Variants in WHAMM observed in about 807,000 individuals in gnomAD.
WHAMM encodes WASP homolog associated with actin, golgi membranes and microtubules.
In WHAMM, 67 loss-of-function variants were observed where a neutral mutation model predicts 76.5. That is an observed-to-expected ratio of 0.88 (90% CI 0.72 to 1.07). The LOEUF (loss-of-function observed/expected upper bound fraction) is 1.07, where lower values mean the gene tolerates loss of function less well. WHAMM is among the 50% of genes least tolerant of loss of function. The probability of loss-of-function intolerance (pLI) is 0.00; values close to 1 mark genes in which losing one functional copy is unlikely to be tolerated. For synonymous variants in WHAMM, 419 were observed against 422.1 expected, an observed-to-expected ratio of 0.99 and a Z score of 0.09; for missense variants, 1,021 against 1,051.1, an observed-to-expected ratio of 0.97 and a Z score of 0.40.
intron 9 of WHAMM, among the ~76,000 whole-genome samples, chr15:82,832,415 A>C (rs2051045325): frequency 6.6e-6 from 1 of 152,154 alleles, no homozygotes; most frequent in Non-Finnish European, 1.5e-5. Context: ...GAAGATCTCT[A>C]AATTAGTGGC....
chr15:82,816,070 A>T lies in WHAMM; in HGVS notation c.784-622A>T, dbSNP rs1209281064. On this transcript the variant is annotated intron_variant, in intron 2 of 9. Transcript: ENST00000286760. ...GTCTTCGCATGGTGAAGAGCAGAGAAAGAGAGATCCTGTGTCTCCTCTTCT... is the reference window on the plus strand; with the variant it reads ...GTCTTCGCATGGTGAAGAGCAGAGATAGAGAGATCCTGTGTCTCCTCTTCT... Among the ~76,000 whole-genome samples the T allele has an allele frequency of 2.6e-5, 4 of 152,116 alleles. 1 individual carries two copies. The highest frequency in any genetic ancestry group is 2.6e-4 in the Admixed American group (4 of 15,276).
intron 1 of WHAMM, among the ~76,000 whole-genome samples, chr15:82,812,432 G>A (rs1287769761): frequency 6.6e-6 from 1 of 152,072 alleles, no homozygotes; most frequent in Admixed American, 6.5e-5. Flanking sequence ...GTTTCACCGT[G>A]TTAGCCAGGA....
chr15:82,827,816 A>G (rs568698134), intron 8 of WHAMM, among the ~76,000 whole-genome samples: 29 of 152,238 alleles, frequency 1.9e-4, no homozygotes, highest in Admixed American at 9.8e-4. Context: ...ATGGTGGTGC[A>G]TGCCTGTAGT....
chr15:82,825,539 A>C (rs1435695684), intron 6 of WHAMM, among the ~76,000 whole-genome samples: 2 of 152,242 alleles, frequency 1.3e-5, no homozygotes, highest in Non-Finnish European at 2.9e-5. Context: ...TGAGCTATCA[A>C]CTTGGGTTCA....
chr15:82,824,736 G>T lies in WHAMM; in HGVS notation c.1458+1449G>T, dbSNP rs146771116. 8.9e-3 allele frequency among the ~76,000 whole-genome samples: 1,357 copies of T among 152,344 alleles called. 19 individuals carry two copies. Among genetic ancestry groups the T allele is most frequent in the African/African-American group, 0.031 (1,288 of 41,572 alleles). ...CTGCCTCAGCCTCCCAAAGTTCTGG[G>T]ATTAGAGGCGTGAGCCACTGTGCCC... On this transcript the variant is annotated intron_variant, in intron 6 of 9. Coordinates refer to ENST00000286760, the MANE Select transcript of WHAMM (RefSeq NM_001080435.3).
At position 82,833,327 on chromosome 15, in the gene WHAMM, G is replaced by C; in HGVS notation, c.2221G>C (p.Glu741Gln). The part of the protein sequence containing the change: ...AVRPPHASIN[E>Q]HILAAIRQGV... ...GCGCCCTCCCCACGCCTCAATCAATGAGCACATTCTGGCTGCCATAAGGCA... is the reference window on the plus strand; with the variant it reads ...GCGCCCTCCCCACGCCTCAATCAATCAGCACATTCTGGCTGCCATAAGGCA... Residue 741 changes from glutamate to glutamine, a missense_variant, in exon 10 of 10, where the codon GAG becomes CAG. By Grantham distance (29) the Glu-to-Gln change is conservative. This residue lies in a region of WHAMM where 509 missense variants were observed against 492.3 expected (regional missense o/e 1.03). Transcript: ENST00000286760. 3 of 1,614,032 alleles carry C rather than the reference G, an allele frequency of 1.9e-6. No individual in the cohort carries two copies. The African/African-American group carries it at 4.0e-5, about 22-fold the overall frequency.
intron 5 of WHAMM, among the ~76,000 whole-genome samples, chr15:82,821,571 G>A (rs546031740): frequency 1.3e-5 from 2 of 152,120 alleles, no homozygotes; most frequent in Non-Finnish European, 2.9e-5. Flanking sequence ...CCATTGGTTT[G>A]TGAGTGGCTT....
chr15:82,832,660 C>T (rs77794281), intron 9 of WHAMM, among the ~76,000 whole-genome samples: 1,796 of 152,290 alleles, frequency 0.012, 22 homozygotes, highest in East Asian at 0.05. Flanking sequence ...CCTCCGGTGG[C>T]GGTTCATTGA....
At chr15:82,830,518 G>A in intron 8 of WHAMM, 81 bp from the exon 9 acceptor site, 1 of 1,544,122 alleles carries the variant, frequency 6.5e-7, no homozygotes, top group South Asian at 1.3e-5. Flanking sequence ...AAACGGATGT[G>A]TTTATAGATT....
chr15:82,816,889 CATTTT>C (rs554329417), intron 3 of WHAMM, 47 bp downstream of exon 3: 136 of 1,514,808 alleles, frequency 9.0e-5, no homozygotes, highest in South Asian at 3.1e-4. Flanking sequence ...AATTGATTAT[CATTTT>C]ATTCAAATAC....
chr15:82,814,460 T>C (rs1212400772), intron 2 of WHAMM, among the ~76,000 whole-genome samples: 3 of 152,040 alleles, frequency 2.0e-5, no homozygotes, highest in Non-Finnish European at 4.4e-5. Context: ...CCTTTCTTCT[T>C]TTTTTTTGAG....
intron 6 of WHAMM, among the ~76,000 whole-genome samples, chr15:82,824,491 TTG>T (rs1409698879): frequency 1.3e-5 from 2 of 152,208 alleles, no homozygotes; most frequent in Admixed American, 6.5e-5. Flanking sequence ...TGGCTAATTT[TTG>T]TATTTTTAGT....
rs1367386989 is a variant in WHAMM, at chr15:82,832,298, T to TAAGA, written c.2123-929_2123-926dup. On this transcript the variant is annotated intron_variant, in intron 9 of 9. Coordinates refer to ENST00000286760, the MANE Select transcript of WHAMM (RefSeq NM_001080435.3). ...CATTACCCCCAGAAAGAAATTGTAA[T>TAAGA]AAGAAGGTATAAGTTTAAATCCAAA... 2.4e-4 allele frequency among the ~76,000 whole-genome samples: 37 copies of TAAGA among 152,320 alleles called. No individual in the cohort carries two copies. In the East Asian group the frequency reaches 7.1e-3, roughly 29 times the overall value.
chr15:82,819,268 G>T, intron 4 of WHAMM, 55 bp from the exon 5 acceptor site: 1 of 719,608 alleles, frequency 1.4e-6, no homozygotes, highest in Non-Finnish European at 2.0e-6. Context: ...TCTAAAGTTT[G>T]TTTTTAATAT....
chr15:82,832,862 C>T (rs146204234), intron 9 of WHAMM, among the ~76,000 whole-genome samples: 118 of 152,302 alleles, frequency 7.7e-4, no homozygotes, highest in African/African-American at 2.7e-3. Context: ...ATCCAGGTCA[C>T]GCACAGTGGG....
Position 82,819,335 on chromosome 15 carries a change from C to T in WHAMM, c.1117C>T (p.Pro373Ser). 9.1e-7 allele frequency: 1 copy of T among 1,092,948 alleles called. No homozygotes were observed. Among genetic ancestry groups the T allele is most frequent in the Middle Eastern group, 3.2e-4 (1 of 3,092 alleles). 67.7% of individuals were successfully genotyped at this position (1,092,948 alleles called of 1,614,324 possible). Residue 373 changes from proline to serine, a missense_variant, in exon 5 of 10, where the codon CCA becomes TCA. This residue lies in a region of WHAMM where 501 missense variants were observed against 524.9 expected (regional missense o/e 0.95). Transcript: ENST00000286760. ...AEIQGKMEDL[P>S]EQEKNTNVVD... ...CTATGAAAATAAGATGGAAGATCTT[C>T]CAGAACAAGAAAAAAATACAAATGT...
rs556066693 is a variant in WHAMM, at chr15:82,816,682, C to T, written c.784-10C>T. The T allele has an allele frequency of 3.9e-6, 6 of 1,533,780 alleles. No individual in the cohort carries two copies. The highest frequency in any genetic ancestry group is 4.8e-5 in the East Asian group (2 of 41,290). On this transcript the variant is annotated splice_polypyrimidine_tract_variant and intron_variant, in intron 2 of 9. Transcript: ENST00000286760. ...GCTCTTACTAAGAAAATTTTCCCTT[C>T]TGTCTGTAGAAGTCTTTGGATGAGG...
chr15:82,826,120 T>G (rs1253569530), intron 6 of WHAMM, among the ~76,000 whole-genome samples: 6 of 152,156 alleles, frequency 3.9e-5, no homozygotes, highest in Non-Finnish European at 5.9e-5. Flanking sequence ...ATTAAAACAT[T>G]GTTGGGACAC....
chr15:82,819,236 A>T (rs2050778795), intron 4 of WHAMM, 87 bp from the exon 5 acceptor site: 4 of 505,238 alleles, frequency 7.9e-6, no homozygotes, highest in Non-Finnish European at 1.3e-5. Flanking sequence ...CTGAACAAGG[A>T]ATAGAAAATA....
Sources: allele counts gnomAD v4.1 joint callset (sites outside exome capture counted in the v4.1 genomes callset), GRCh38; gene constraint gnomAD v4.1.1; regional missense constraint gnomAD v4.1.1; transcripts MANE v1.5; gene names NCBI Gene and HGNC (gene_info 2026-07-23, HGNC 2026-07-21).